Variants in TEKT5 observed in about 807,000 individuals in gnomAD.
The protein encoded by TEKT5 is tektin 5.
A neutral mutation model predicts 48.7 loss-of-function variants in TEKT5; 52 were observed. The ratio of observed to expected loss-of-function variants is 1.07; its 90% CI spans 0.86 to 1.35. The LOEUF (loss-of-function observed/expected upper bound fraction) is 1.35, where lower values mean the gene tolerates loss of function less well. Ranked by LOEUF, TEKT5 falls within the 40% of genes most tolerant of loss-of-function variation. The pLI is 0.00. For missense variants in TEKT5, 831 were observed against 641.6 expected, an observed-to-expected ratio of 1.30 and a Z score of -3.19; for synonymous variants, 318 against 267.6, an observed-to-expected ratio of 1.19 and a Z score of -1.84.
chr16:10,689,661 A>T (rs1282129134), intron 2 of TEKT5, among the ~76,000 whole-genome samples: 5 of 151,912 alleles, frequency 3.3e-5, no homozygotes, highest in Non-Finnish European at 7.4e-5. Flanking sequence ...GGTACAGCCT[A>T]TGACATATAG....
rs781626293 is a variant in TEKT5 at position 10,681,955 on chromosome 16, G to A, written c.863+38C>T. The stretch of plus-strand genomic sequence containing the variant: ...GGAGCAGAAGCCCTCACTCCAGTTG[G>A]ACACGCCAGGGATGGGGAGGGGGAG... On this transcript the variant is annotated intron_variant, in intron 4 of 6. Coordinates refer to ENST00000283025, the MANE Select transcript of TEKT5 (RefSeq NM_144674.2). The A allele has an allele frequency of 8.1e-6, 13 of 1,604,202 alleles. No individual in the cohort carries two copies. In the African/African-American group the frequency reaches 1.5e-4, roughly 18 times the overall value.
At chr16:10,637,110 T>C (rs1897925580) in intron 5 of TEKT5, among the ~76,000 whole-genome samples, 1 of 151,280 alleles carries the variant, frequency 6.6e-6, no homozygotes, top group Admixed American at 6.6e-5. Flanking sequence ...GCCTCCAGAG[T>C]AGCTGGGATT....
chr16:10,682,250 C>CT, intron 3 of TEKT5, 114 bp from the exon 4 acceptor site: 1 of 1,204,516 alleles, frequency 8.3e-7, no homozygotes, highest in Non-Finnish European at 1.2e-6. Flanking sequence ...CACCCAGTAG[C>CT]TTCTCAGTCC....
chr16:10,686,008 C>A (rs753644388), intron 3 of TEKT5, among the ~76,000 whole-genome samples: 7 of 152,232 alleles, frequency 4.6e-5, no homozygotes, highest in Non-Finnish European at 1.0e-4. Flanking sequence ...GCCCTCCTGT[C>A]CCCACCAGCG....
In TEKT5 at chr16:10,631,103, A is replaced by C. The variant is rs142759317; in HGVS notation, c.1242-3304T>G. 2.5e-3 allele frequency among the ~76,000 whole-genome samples: 348 copies of C among 140,602 alleles called. 1 individual carries two copies. The highest frequency in any genetic ancestry group is 8.2e-3 in the African/African-American group (312 of 38,194). The allele number at this position is 140,602 out of a possible 152,430, so 92.2% of individuals were successfully genotyped here. ...ATATATACACACACACACACACACA[A>C]AAATTAGCGAAGTGTGGTGGCAGGT... On this transcript the variant is annotated intron_variant, in intron 6 of 6. Transcript: ENST00000283025.
Position 10,694,520 on chromosome 16 carries a change from G to T in TEKT5, c.354C>A (p.Asp118Glu). Residue 118 changes from aspartate (D) to glutamate (E), a missense_variant, in exon 1 of 7, where the codon GAC becomes GAA. Physicochemically the swap from Asp to Glu is conservative, Grantham distance 45. Coordinates refer to ENST00000283025, the MANE Select transcript of TEKT5 (RefSeq NM_144674.2). ...SRLWASRLTD[D>E]SMRLLQDKDQ... ...CCTTGTCCTGCAAGAGCCTCATGGA[G>T]TCATCCGTCAGCCGGCTGGCCCACA... 2 of 1,610,122 alleles carry T rather than the reference G, an allele frequency of 1.2e-6. No homozygotes were observed. The highest frequency in any genetic ancestry group is 8.5e-7 in the Non-Finnish European group (1 of 1,177,996).
intron 5 of TEKT5, among the ~76,000 whole-genome samples, chr16:10,657,755 A>T (rs536487402): frequency 7.0e-6 from 1 of 143,386 alleles, no homozygotes; most frequent in South Asian, 2.2e-4. Context: ...ACGCCAAGCT[A>T]ATTTTTTTTT....
intron 3 of TEKT5, 74 bp from the exon 4 acceptor site, chr16:10,682,210 T>C (rs1298678733): frequency 1.3e-6 from 2 of 1,537,278 alleles, no homozygotes; most frequent in African/African-American, 2.7e-5. Context: ...ACAGCAGGTG[T>C]GTGTTGCAAG....
At chr16:10,680,738 T>A (rs1457892032) in intron 4 of TEKT5, among the ~76,000 whole-genome samples, 6 of 150,622 alleles carry the variant, frequency 4.0e-5, no homozygotes, top group Admixed American at 3.3e-4. Flanking sequence ...AAATCATCAT[T>A]CTCAGTAAAC....
intron 5 of TEKT5, chr16:10,671,697 T>G (rs190980042): frequency 6.6e-6 from 1 of 152,140 alleles, no homozygotes; most frequent in East Asian, 1.9e-4. Context: ...AAAAAGAGAT[T>G]TAATGGACTC....
intron 6 of TEKT5, among the ~76,000 whole-genome samples, chr16:10,635,307 G>A (rs749193954): frequency 7.9e-5 from 12 of 151,828 alleles, no homozygotes; most frequent in Non-Finnish European, 1.5e-4. Context: ...CCAGCCAGGA[G>A]CTCATGAGGC....
rs2719763 is a variant in TEKT5, at chr16:10,644,541, A to G, written c.1087-8623T>C. ...CCTGTCTACTCTATTCAAAACGGAC[A>G]GCCACCTCCATCACTGCACCCCTCA... On this transcript the variant is annotated intron_variant, in intron 5 of 6. Coordinates refer to ENST00000283025, the MANE Select transcript of TEKT5 (RefSeq NM_144674.2). Among the ~76,000 whole-genome samples, 1,039 of 152,310 alleles carry G rather than the reference A, an allele frequency of 6.8e-3. 13 individuals carry two copies. The highest frequency in any genetic ancestry group is 0.024 in the African/African-American group (1,006 of 41,568).
intron 5 of TEKT5, among the ~76,000 whole-genome samples, chr16:10,660,735 C>G (rs1898355495): frequency 6.6e-6 from 1 of 151,520 alleles, no homozygotes; most frequent in Admixed American, 6.6e-5. Flanking sequence ...GAGTCTTGCT[C>G]TGTTGCCCAG....
At chr16:10,655,164 C>T (rs1209325252) in intron 5 of TEKT5, among the ~76,000 whole-genome samples, 1 of 152,168 alleles carries the variant, frequency 6.6e-6, no homozygotes, top group East Asian at 1.9e-4. Flanking sequence ...GAACTGTTGT[C>T]TCTTTTACAT....
At chr16:10,672,604 C>T (rs529049784) in intron 5 of TEKT5, among the ~76,000 whole-genome samples, 1 of 152,024 alleles carries the variant, frequency 6.6e-6, no homozygotes, top group Non-Finnish European at 1.5e-5. Context: ...AAAAAAACCA[C>T]CTCAACATTG....
chr16:10,681,387 C>A (rs911400812), intron 4 of TEKT5, among the ~76,000 whole-genome samples: 1 of 150,072 alleles, frequency 6.7e-6, no homozygotes, highest in African/African-American at 2.5e-5. Context: ...GTCTCTCTCT[C>A]TCTCTCTCTC....
intron 5 of TEKT5, among the ~76,000 whole-genome samples, chr16:10,642,968 G>A (rs991577417): frequency 7.2e-5 from 11 of 152,148 alleles, no homozygotes; most frequent in Non-Finnish European, 1.5e-4. Flanking sequence ...GCTAGAAGGC[G>A]GATAGTGGAT....
chr16:10,662,860 T>C (rs1056139092), intron 5 of TEKT5, among the ~76,000 whole-genome samples: 2 of 152,202 alleles, frequency 1.3e-5, no homozygotes, highest in African/African-American at 4.8e-5. Flanking sequence ...TAACCCCTTC[T>C]TCATGGGAGG....
rs1897773401 is a variant in TEKT5 at position 10,627,719 on chromosome 16, T to C, written c.1322A>G (p.Gln441Arg). 1 of 1,614,058 alleles carries C rather than the reference T, an allele frequency of 6.2e-7. No homozygotes were observed. Among genetic ancestry groups the C allele is most frequent in the Non-Finnish European group, 8.5e-7 (1 of 1,180,026 alleles). ...CCGGCACTTGGTCATGACCAGCAGCTGCAGCGTGTCCTGTGTCTCCCGCAG... is the reference window on the plus strand; with the variant it reads ...CCGGCACTTGGTCATGACCAGCAGCCGCAGCGTGTCCTGTGTCTCCCGCAG... ...LRLRETQDTL[Q>R]LLVMTKCRLE... is the part of the protein sequence containing the mutation. Residue 441 changes from glutamine (Q) to arginine (R), a missense_variant, in exon 7 of 7, where the codon CAG becomes CGG. Physicochemically the swap from Gln to Arg is conservative, Grantham distance 43. Transcript: ENST00000283025.
Sources: gnomAD v4.1 joint callset for allele counts (sites outside exome capture counted in the v4.1 genomes callset) on GRCh38, gnomAD v4.1.1 for gene constraint, MANE v1.5 for transcripts, NCBI Gene and HGNC (gene_info 2026-07-23, HGNC 2026-07-21) for gene names.